Variants in MAML2 observed in about 807,000 individuals in gnomAD.
The protein encoded by MAML2 is mastermind like transcriptional coactivator 2.
A neutral mutation model predicts 96.1 loss-of-function variants in MAML2; 22 were observed. That is an observed-to-expected ratio of 0.23 (90% confidence interval 0.16 to 0.33). The LOEUF (loss-of-function observed/expected upper bound fraction) is 0.33, where lower values mean the gene tolerates loss of function less well. Ranked by LOEUF, MAML2 falls within the 10% of genes least tolerant of loss-of-function variation. MAML2 has a pLI of 1.00. For missense variants in MAML2, 1,367 were observed against 1,392.4 expected, an observed-to-expected ratio of 0.98 and a Z score of 0.29; for synonymous variants, 561 against 521.3, an observed-to-expected ratio of 1.08 and a Z score of -1.04.
In MAML2 at chr11:96,002,907, G is replaced by A. The variant is rs879859905; in HGVS notation, c.2140-11184C>T. Among the ~76,000 whole-genome samples the A allele has an allele frequency of 1.5e-4, 20 of 136,174 alleles. 1 individual carries two copies. The highest frequency in any genetic ancestry group is 2.0e-4 in the Non-Finnish European group (13 of 63,766). The allele number at this position is 136,174 out of a possible 152,430, so 89.3% of individuals were successfully genotyped here. On this transcript the variant is annotated intron_variant, in intron 2 of 4. Transcript: ENST00000524717. ...ATGAGGAGGATGATGGGGATGATGA[G>A]AAAGATGATGGGGATAAGGAAGATG...
At chr11:96,232,174 T>C (rs749713162) in intron 1 of MAML2, among the ~76,000 whole-genome samples, 3 of 152,204 alleles carry the variant, frequency 2.0e-5, no homozygotes, top group Non-Finnish European at 4.4e-5. Flanking sequence ...TGGGTACTTG[T>C]GGTCTTCCCT....
chr11:96,273,854 A>AT (rs1373443025), intron 1 of MAML2, among the ~76,000 whole-genome samples: 4 of 152,100 alleles, frequency 2.6e-5, no homozygotes, highest in Non-Finnish European at 5.9e-5. Flanking sequence ...CCAGGCCTTC[A>AT]TTTTTCATAT....
chr11:96,305,862 G>A (rs1358617402), intron 1 of MAML2, among the ~76,000 whole-genome samples: 2 of 152,000 alleles, frequency 1.3e-5, no homozygotes, highest in African/African-American at 4.8e-5. Flanking sequence ...TAGCTAACCT[G>A]GCAACCAAAT....
chr11:96,061,829 TA>T (rs1222628920), intron 2 of MAML2, among the ~76,000 whole-genome samples: 2 of 152,100 alleles, frequency 1.3e-5, no homozygotes, highest in Admixed American at 1.3e-4. Flanking sequence ...TTCTTTCTGT[TA>T]GGGGAAAGTA....
At chr11:96,027,203 C>T (rs1258543271) in intron 2 of MAML2, among the ~76,000 whole-genome samples, 8 of 152,108 alleles carry the variant, frequency 5.3e-5, no homozygotes, top group Admixed American at 5.2e-4. Context: ...GTCACTCATG[C>T]ATTCATTTAT....
intron 2 of MAML2, among the ~76,000 whole-genome samples, chr11:96,071,770 A>G (rs1859348147): frequency 6.6e-6 from 1 of 152,160 alleles, no homozygotes; most frequent in African/African-American, 2.4e-5. Context: ...TATTACTCCA[A>G]AGGCCTTCTT....
intron 1 of MAML2, among the ~76,000 whole-genome samples, chr11:96,186,836 C>T (rs567306963): frequency 1.3e-5 from 2 of 152,266 alleles, no homozygotes; most frequent in Admixed American, 6.5e-5. Flanking sequence ...GAGCCGGGCC[C>T]CTTAACAACT....
chr11:96,051,431 A>C (rs985030233), intron 2 of MAML2, among the ~76,000 whole-genome samples: 1 of 152,172 alleles, frequency 6.6e-6, no homozygotes, highest in African/African-American at 2.4e-5. Flanking sequence ...TCTGTGAAGT[A>C]TGTATTATTC....
intron 1 of MAML2, among the ~76,000 whole-genome samples, chr11:96,141,232 A>G (rs1860725955): frequency 6.6e-6 from 1 of 152,222 alleles, no homozygotes; most frequent in Non-Finnish European, 1.5e-5. Flanking sequence ...TTTGAGACAT[A>G]CTGGAAAACA....
At chr11:96,260,243 G>A (rs1862729230) in intron 1 of MAML2, among the ~76,000 whole-genome samples, 1 of 151,958 alleles carries the variant, frequency 6.6e-6, no homozygotes, top group Non-Finnish European at 1.5e-5. Context: ...TGGTAGAGCA[G>A]AAGAAAAAAG....
intron 1 of MAML2, among the ~76,000 whole-genome samples, chr11:96,229,453 T>G (rs1862259488): frequency 6.6e-6 from 1 of 150,638 alleles, no homozygotes; most frequent in South Asian, 2.1e-4. Flanking sequence ...CCTCTGAATC[T>G]CCACTCTCTA....
chr11:96,242,493 GT>G (rs1227516814), intron 1 of MAML2, among the ~76,000 whole-genome samples: 11 of 152,186 alleles, frequency 7.2e-5, no homozygotes, highest in African/African-American at 2.7e-4. Context: ...AGAGATGGCA[GT>G]TTTCATCATA....
At position 96,342,188 on chromosome 11, in the gene MAML2, G is replaced by T. The variant is rs1864007442; in HGVS notation, c.-293C>A. 4.2e-6 allele frequency: 2 copies of T among 476,082 alleles called. No homozygotes were observed. Among genetic ancestry groups the T allele is most frequent in the Admixed American group, 3.7e-5 (1 of 26,668 alleles). The allele number at this position is 476,082 out of a possible 1,614,324, so 29.5% of individuals were successfully genotyped here. On this transcript the variant is annotated 5_prime_UTR_variant, in exon 1 of 5. Coordinates refer to ENST00000524717, the MANE Select transcript of MAML2 (RefSeq NM_032427.4). ...AGCTCTGGAGAAGTTGGACAGAGTT[G>T]GTGGATTTTTTTTCCTCCACCAAGC... is the stretch of plus-strand genomic sequence containing the variant.
intron 1 of MAML2, among the ~76,000 whole-genome samples, chr11:96,201,390 G>A (rs1417951420): frequency 6.6e-6 from 1 of 152,130 alleles, no homozygotes; most frequent in Admixed American, 6.5e-5. Context: ...TCCATCATAG[G>A]CTCTGGGTGC....
chr11:96,274,189 T>C (rs1022169041), intron 1 of MAML2, among the ~76,000 whole-genome samples: 1 of 151,812 alleles, frequency 6.6e-6, no homozygotes, highest in South Asian at 2.1e-4. Context: ...TTCACGCCAT[T>C]TTCCTGCGTG....
At chr11:96,273,796 C>G (rs1300481994) in intron 1 of MAML2, among the ~76,000 whole-genome samples, 2 of 152,116 alleles carry the variant, frequency 1.3e-5, no homozygotes, top group African/African-American at 2.4e-5. Flanking sequence ...AAGGAGATAG[C>G]CAGCCTCCAT....
chr11:96,265,758 CAG>C (rs1454348048), intron 1 of MAML2, among the ~76,000 whole-genome samples: 1 of 152,194 alleles, frequency 6.6e-6, no homozygotes, highest in Non-Finnish European at 1.5e-5. Flanking sequence ...CAAAACAACA[CAG>C]AGTTTGGCTG....
chr11:96,039,487 G>A (rs1858771845), intron 2 of MAML2, among the ~76,000 whole-genome samples: 1 of 152,096 alleles, frequency 6.6e-6, no homozygotes, highest in South Asian at 2.1e-4. Flanking sequence ...AGGAATTTGG[G>A]TTGAGGCTGC....
intron 1 of MAML2, among the ~76,000 whole-genome samples, chr11:96,151,660 C>G (rs968864546): frequency 2.0e-5 from 3 of 152,128 alleles, no homozygotes; most frequent in Admixed American, 2.0e-4. Flanking sequence ...TAGCACCTTC[C>G]CCCTCTTCCT....
Sources: allele counts gnomAD v4.1 joint callset (sites outside exome capture counted in the v4.1 genomes callset), GRCh38; gene constraint gnomAD v4.1.1; transcripts MANE v1.5; gene names NCBI Gene and HGNC (gene_info 2026-07-23, HGNC 2026-07-21).